The following ATG10 variants were observed in gnomAD, a reference collection of about 807,000 sequenced individuals.
ATG10 encodes ubiquitin-like-conjugating enzyme ATG10.
ATG10 carries 30 observed loss-of-function variants against 32.1 expected under a neutral mutation model. That is an observed-to-expected ratio of 0.94 (90% CI 0.70 to 1.27). The LOEUF (loss-of-function observed/expected upper bound fraction) is 1.27, where lower values mean the gene tolerates loss of function less well. Ranked by LOEUF, ATG10 falls within the 50% of genes most tolerant of loss-of-function variation. ATG10 has a pLI of 0.00. For synonymous variants in ATG10, 87 were observed against 91.5 expected, an observed-to-expected ratio of 0.95 and a Z score of 0.28; for missense variants, 233 against 262.3, an observed-to-expected ratio of 0.89 and a Z score of 0.77.
rs993615459 is a variant in ATG10, at chr5:82,099,234, T to C, written c.216+40632T>C. ...ATGGATGTGGTTTGTCCCTATTTCA[T>C]GGTAGCCTGATAAATTTTTAAAAAG... On this transcript the variant is annotated intron_variant, in intron 3 of 7. Coordinates refer to ENST00000282185, the MANE Select transcript of ATG10 (RefSeq NM_031482.5). Among the ~76,000 whole-genome samples, 7 of 152,182 alleles carry C rather than the reference T, an allele frequency of 4.6e-5. No homozygotes were observed. The East Asian group carries it at 1.3e-3, about 29-fold the overall frequency.
chr5:82,130,089 A>G (rs1011517631), intron 3 of ATG10, among the ~76,000 whole-genome samples: 10 of 152,186 alleles, frequency 6.6e-5, no homozygotes, highest in African/African-American at 2.4e-4. Context: ...CCGCTTTGCC[A>G]AGCTGCGGCG....
chr5:82,196,008 G>A (rs1744838500), intron 5 of ATG10, among the ~76,000 whole-genome samples: 1 of 152,174 alleles, frequency 6.6e-6, no homozygotes, highest in South Asian at 2.1e-4. Context: ...AGGAATGTAT[G>A]AGGGTTACAG....
intron 5 of ATG10, among the ~76,000 whole-genome samples, chr5:82,201,302 A>C (rs903851141): frequency 5.9e-5 from 9 of 152,118 alleles, no homozygotes; most frequent in African/African-American, 2.2e-4. Flanking sequence ...TTTTAAGCTT[A>C]TGTCTAGGAT....
chr5:82,027,925 G>A (rs767540461), intron 2 of ATG10, among the ~76,000 whole-genome samples: 2 of 152,154 alleles, frequency 1.3e-5, no homozygotes, highest in Non-Finnish European at 2.9e-5. Flanking sequence ...AAACTCAGCA[G>A]GAAAAGATTT....
At chr5:82,153,307 C>G (rs1767675324) in intron 3 of ATG10, among the ~76,000 whole-genome samples, 1 of 152,052 alleles carries the variant, frequency 6.6e-6, no homozygotes, top group Non-Finnish European at 1.5e-5. Context: ...TGTGTGCTGT[C>G]CATGCATATA....
intron 5 of ATG10, chr5:82,242,709 C>A (rs12654645): frequency 3.0e-6 from 1 of 331,718 alleles, no homozygotes; most frequent in South Asian, 2.5e-5. Context: ...ATCATTGTAA[C>A]CTAGAATTTT....
intron 4 of ATG10, among the ~76,000 whole-genome samples, chr5:82,169,987 G>A (rs1221839631): frequency 6.6e-6 from 1 of 152,128 alleles, no homozygotes; most frequent in Admixed American, 6.5e-5. Flanking sequence ...ATCAAGCCCT[G>A]TTTTGAAAAT....
At chr5:82,176,334 A>G (rs1378059668) in intron 4 of ATG10, among the ~76,000 whole-genome samples, 1 of 152,158 alleles carries the variant, frequency 6.6e-6, no homozygotes, top group African/African-American at 2.4e-5. Flanking sequence ...TCAGTCATGA[A>G]CCGGCTGCAT....
Position 82,061,398 on chromosome 5 carries a change from G to T in ATG10, c.216+2796G>T, listed in dbSNP as rs562810802. Reference sequence around the variant, plus strand: ...ATTTATTCTTACTCTTTCTCTTCAGGAATTTGCTTTAAAAGTATATGTCCT... The same window carrying T: ...ATTTATTCTTACTCTTTCTCTTCAGTAATTTGCTTTAAAAGTATATGTCCT... On this transcript the variant is annotated intron_variant, in intron 3 of 7. Transcript: ENST00000282185. 2.0e-4 allele frequency among the ~76,000 whole-genome samples: 30 copies of T among 150,524 alleles called. No homozygotes were observed. The South Asian group carries it at 2.3e-3, about 12-fold the overall frequency.
chr5:82,194,216 A>C (rs1744769771), intron 5 of ATG10, among the ~76,000 whole-genome samples: 1 of 152,086 alleles, frequency 6.6e-6, no homozygotes, highest in Admixed American at 6.6e-5. Context: ...ATTTGGAAGA[A>C]GCCAAGTAAA....
chr5:82,178,989 A>T (rs1216668044), intron 5 of ATG10, among the ~76,000 whole-genome samples: 1 of 152,126 alleles, frequency 6.6e-6, no homozygotes, highest in Non-Finnish European at 1.5e-5. Context: ...ACTAAACATG[A>T]AAGCTTAGCC....
intron 5 of ATG10, among the ~76,000 whole-genome samples, chr5:82,252,029 G>A (rs901095531): frequency 6.6e-5 from 10 of 152,162 alleles, no homozygotes; most frequent in Admixed American, 2.0e-4. Flanking sequence ...AAATAGTGCA[G>A]GCCATCTCCT....
At chr5:82,113,630 G>A (rs1271493529) in intron 3 of ATG10, among the ~76,000 whole-genome samples, 4 of 151,900 alleles carry the variant, frequency 2.6e-5, no homozygotes, top group Non-Finnish European at 5.9e-5. Context: ...ACTCCCTCTA[G>A]CAGGCCTTCC....
At chr5:82,072,294 T>C (rs1764153947) in intron 3 of ATG10, among the ~76,000 whole-genome samples, 1 of 152,144 alleles carries the variant, frequency 6.6e-6, no homozygotes, top group Non-Finnish European at 1.5e-5. Context: ...TGAGTCTTCC[T>C]GGATGGTATA....
chr5:82,127,197 A>C (rs114023224), intron 3 of ATG10, among the ~76,000 whole-genome samples: 10,083 of 151,182 alleles, frequency 0.067, 433 homozygotes, highest in African/African-American at 0.12. Flanking sequence ...TCTGGCTAGC[A>C]GTCCATCTAT....
At chr5:82,139,890 G>T (rs1302690384) in intron 3 of ATG10, among the ~76,000 whole-genome samples, 2 of 138,022 alleles carry the variant, frequency 1.4e-5, no homozygotes, top group African/African-American at 5.5e-5. Context: ...GGAGGGAGGT[G>T]GGGGGGTCAG....
At chr5:82,205,586 C>A (rs1269214122) in intron 5 of ATG10, among the ~76,000 whole-genome samples, 2 of 152,028 alleles carry the variant, frequency 1.3e-5, no homozygotes, top group Admixed American at 1.3e-4. Flanking sequence ...TTTAGTTTGG[C>A]AAGAAAGGAC....
intron 5 of ATG10, among the ~76,000 whole-genome samples, chr5:82,202,424 C>A (rs931487699): frequency 1.3e-5 from 2 of 152,168 alleles, no homozygotes; most frequent in African/African-American, 2.4e-5. Flanking sequence ...ACTCTTCCCC[C>A]CTGCAGACTT....
chr5:82,062,539 A>G (rs1343846062), intron 3 of ATG10, among the ~76,000 whole-genome samples: 2 of 152,226 alleles, frequency 1.3e-5, no homozygotes, highest in African/African-American at 4.8e-5. Flanking sequence ...TAACAAGCGT[A>G]CAGTGCTATT....
Sources: gnomAD v4.1 joint callset for allele counts (sites outside exome capture counted in the v4.1 genomes callset) on GRCh38, gnomAD v4.1.1 for gene constraint, MANE v1.5 for transcripts, NCBI Gene and HGNC (gene_info 2026-07-23, HGNC 2026-07-21) for gene names.